ACER3: variants seen among roughly 807,000 people sequenced by gnomAD.
ACER3 encodes the protein alkaline ceramidase 3.
A neutral mutation model predicts 48.9 loss-of-function variants in ACER3; 16 were observed. That is an observed-to-expected ratio of 0.33 (90% CI 0.22 to 0.50). The LOEUF is 0.50. Among genes scored for constraint, ACER3 ranks in the 20% least tolerant of loss-of-function variants. The pLI is 0.98. For missense variants in ACER3, 227 were observed against 326.0 expected (o/e 0.70, Z 2.34); for synonymous variants, 109 against 107.8 (o/e 1.01, Z -0.07).
At chr11:77,012,835 C>A (rs1395504800) in intron 7 of ACER3, among the ~76,000 whole-genome samples, 1 of 152,134 alleles carries the variant, frequency 6.6e-6, no homozygotes, top group African/African-American at 2.4e-5. Flanking sequence ...ATAGCCAAAA[C>A]AGTTTTTGAA....
Position 76,885,546 on chromosome 11 carries a change from A to G in ACER3, c.103+24467A>G, listed in dbSNP as rs898472736. On this transcript the variant is annotated intron_variant, in intron 1 of 10. Coordinates refer to ENST00000532485, the MANE Select transcript of ACER3 (RefSeq NM_018367.7). ...AAAGCACCAGGGTCAGTCGGGGGGC[A>G]GAGGAAGTGGGGAGAAACATGGGCA... Among the ~76,000 whole-genome samples, 4 of 152,148 alleles carry G rather than the reference A, an allele frequency of 2.6e-5. No homozygotes were observed. The South Asian group carries it at 8.3e-4, about 32-fold the overall frequency.
chr11:76,931,450 AT>A (rs1323545468), intron 2 of ACER3, among the ~76,000 whole-genome samples: 1 of 151,882 alleles, frequency 6.6e-6, no homozygotes, highest in Non-Finnish European at 1.5e-5. Flanking sequence ...TAATTGGAGC[AT>A]TTAGCCCATT....
At chr11:76,911,164 G>A (rs1299785528) in intron 1 of ACER3, among the ~76,000 whole-genome samples, 1 of 152,140 alleles carries the variant, frequency 6.6e-6, no homozygotes, top group Non-Finnish European at 1.5e-5. Flanking sequence ...GCTTCTCCAA[G>A]GGCAGAGCAA....
At chr11:76,906,237 G>A (rs1946229898) in intron 1 of ACER3, among the ~76,000 whole-genome samples, 2 of 152,202 alleles carry the variant, frequency 1.3e-5, no homozygotes, top group African/African-American at 4.8e-5. Flanking sequence ...TAGGATTATG[G>A]GAGGGGCCTG....
intron 1 of ACER3, among the ~76,000 whole-genome samples, chr11:76,909,900 G>A (rs1033312307): frequency 7.9e-5 from 12 of 152,234 alleles, no homozygotes; most frequent in Admixed American, 7.8e-4. Flanking sequence ...ACTGGATAAA[G>A]AAAATGTGAC....
chr11:76,940,424 A>T (rs886185754), intron 2 of ACER3, among the ~76,000 whole-genome samples: 2 of 152,336 alleles, frequency 1.3e-5, no homozygotes, highest in South Asian at 2.1e-4. Flanking sequence ...AAATATTTTT[A>T]AAATAAAATG....
intron 1 of ACER3, among the ~76,000 whole-genome samples, chr11:76,907,338 A>T (rs942387593): frequency 1.8e-4 from 23 of 127,614 alleles, no homozygotes; most frequent in Admixed American, 1.6e-3. Flanking sequence ...ACTAGACACT[A>T]TTTCAAGCAA....
intron 2 of ACER3, among the ~76,000 whole-genome samples, chr11:76,943,136 C>T (rs1416917630): frequency 6.6e-6 from 1 of 151,580 alleles, no homozygotes; most frequent in Non-Finnish European, 1.5e-5. Flanking sequence ...TTTTGTTGAT[C>T]CTTTGCTTTT....
At chr11:76,947,155 ACTAC>A (rs1263995312) in intron 2 of ACER3, among the ~76,000 whole-genome samples, 12 of 152,140 alleles carry the variant, frequency 7.9e-5, no homozygotes, top group Admixed American at 7.9e-4. Context: ...GGAGATACAC[ACTAC>A]CTGTGTCTTG....
intron 2 of ACER3, among the ~76,000 whole-genome samples, chr11:76,949,050 C>T (rs548877862): frequency 2.7e-5 from 4 of 150,304 alleles, no homozygotes; most frequent in South Asian, 4.3e-4. Flanking sequence ...ACACTATTTC[C>T]AGTGTGATCA....
chr11:76,983,397 A>G (rs992664295), intron 4 of ACER3, among the ~76,000 whole-genome samples: 4 of 152,026 alleles, frequency 2.6e-5, no homozygotes, highest in East Asian at 1.9e-4. Flanking sequence ...GCTCACTGCA[A>G]TCTCCTCATC....
At chr11:77,015,815 T>G (rs905104705) in intron 8 of ACER3, among the ~76,000 whole-genome samples, 16 of 152,180 alleles carry the variant, frequency 1.1e-4, no homozygotes, top group African/African-American at 3.6e-4. Context: ...ACAAATAAAT[T>G]GCAGAGGCAC....
chr11:76,938,950 G>T (rs994665022), intron 2 of ACER3, among the ~76,000 whole-genome samples: 9 of 125,752 alleles, frequency 7.2e-5, no homozygotes, highest in African/African-American at 2.8e-4. Context: ...GGAACATCTT[G>T]TCAGAAAGTA....
At chr11:76,954,979 G>A (rs7942574) in intron 2 of ACER3, among the ~76,000 whole-genome samples, 103,247 of 152,054 alleles carry the variant, frequency 0.68, 35,447 homozygotes, top group Non-Finnish European at 0.74. Flanking sequence ...ACTTATCCCA[G>A]TGGAAATGCT....
At chr11:77,013,987 C>A (rs1949318106) in intron 7 of ACER3, among the ~76,000 whole-genome samples, 1 of 152,042 alleles carries the variant, frequency 6.6e-6, no homozygotes, top group African/African-American at 2.4e-5. Flanking sequence ...GGTATGATTC[C>A]ATTTATATAG....
At position 77,016,672 on chromosome 11, in the gene ACER3, C is replaced by G; in HGVS notation, c.600-3C>G. ...ACGTGATTTTCTCCCTCTCTCCACA[C>G]AGGAACTTTCGAAAGAAGGTACCAC... is the stretch of plus-strand genomic sequence containing the variant. On this transcript the variant is annotated splice_polypyrimidine_tract_variant and splice_region_variant and intron_variant, in intron 8 of 10. Coordinates refer to ENST00000532485, the MANE Select transcript of ACER3 (RefSeq NM_018367.7). The G allele has an allele frequency of 6.5e-7, 1 of 1,534,110 alleles. No homozygotes were observed. Among genetic ancestry groups the G allele is most frequent in the Non-Finnish European group, 8.9e-7 (1 of 1,123,846 alleles).
At chr11:76,908,094 G>A (rs936474389) in intron 1 of ACER3, among the ~76,000 whole-genome samples, 36 of 152,018 alleles carry the variant, frequency 2.4e-4, no homozygotes, top group African/African-American at 8.7e-4. Flanking sequence ...AAATTAACTG[G>A]GCATGGTGGC....
intron 6 of ACER3, among the ~76,000 whole-genome samples, chr11:76,998,185 T>G (rs1365076766): frequency 6.6e-6 from 1 of 152,008 alleles, no homozygotes; most frequent in African/African-American, 2.4e-5. Context: ...CATCTAATAC[T>G]CAATACAGAA....
chr11:76,953,044 T>C (rs1947727623), intron 2 of ACER3, among the ~76,000 whole-genome samples: 2 of 152,002 alleles, frequency 1.3e-5, no homozygotes, highest in Admixed American at 1.3e-4. Context: ...GAGTAAGTAT[T>C]CCAGGCAGAA....
Sources: allele counts gnomAD v4.1 joint callset (sites outside exome capture counted in the v4.1 genomes callset), GRCh38; gene constraint gnomAD v4.1.1; transcripts MANE v1.5; gene names NCBI Gene and HGNC (gene_info 2026-07-23, HGNC 2026-07-21).